Variants in GRIP1 observed in about 807,000 individuals in gnomAD.
GRIP1 encodes the protein glutamate receptor-interacting protein 1.
GRIP1 carries 45 observed loss-of-function variants against 129.9 expected under a neutral mutation model. The ratio of observed to expected loss-of-function variants is 0.35; its 90% CI spans 0.27 to 0.44. The LOEUF is 0.44. GRIP1 is among the 20% of genes least tolerant of loss of function. GRIP1 has a pLI of 1.00. For missense variants in GRIP1, 1,196 were observed against 1,396.8 expected (o/e 0.86, Z 2.29); for synonymous variants, 530 against 520.8 (o/e 1.02, Z -0.24).
At chr12:66,551,418 A>G (rs982010186) in intron 2 of GRIP1, among the ~76,000 whole-genome samples, 2 of 152,212 alleles carry the variant, frequency 1.3e-5, no homozygotes, top group African/African-American at 4.8e-5. Flanking sequence ...TCTTCTTTAG[A>G]TGAAAGTAGA....
intron 1 of GRIP1, among the ~76,000 whole-genome samples, chr12:66,962,293 G>A (rs902778086): frequency 5.3e-5 from 8 of 152,044 alleles, no homozygotes; most frequent in South Asian, 2.1e-4. Flanking sequence ...ATATATTATC[G>A]TAAACAATTT....
intron 1 of GRIP1, among the ~76,000 whole-genome samples, chr12:66,616,338 T>C (rs190070275): frequency 6.6e-6 from 1 of 152,254 alleles, no homozygotes; most frequent in East Asian, 1.9e-4. Flanking sequence ...AATTAACATG[T>C]TAACCCCAAA....
At chr12:66,536,869 A>C (rs760238002) in intron 4 of GRIP1, among the ~76,000 whole-genome samples, 13 of 152,176 alleles carry the variant, frequency 8.5e-5, no homozygotes, top group Non-Finnish European at 1.6e-4. Flanking sequence ...CCAACTCTTC[A>C]TAATCAACCT....
intron 1 of GRIP1, among the ~76,000 whole-genome samples, chr12:66,698,220 G>A (rs1241339951): frequency 1.3e-5 from 2 of 152,150 alleles, no homozygotes; most frequent in Admixed American, 6.6e-5. Flanking sequence ...ACTTGAACAT[G>A]CACTGAAAAG....
At chr12:66,505,132 G>A (rs1307916534) in intron 7 of GRIP1, among the ~76,000 whole-genome samples, 3 of 152,162 alleles carry the variant, frequency 2.0e-5, no homozygotes, top group Admixed American at 6.5e-5. Flanking sequence ...CCTTAAAAGG[G>A]GAGATTATGT....
At chr12:66,878,644 A>G (rs2040422508) in intron 1 of GRIP1, among the ~76,000 whole-genome samples, 1 of 152,134 alleles carries the variant, frequency 6.6e-6, no homozygotes, top group Non-Finnish European at 1.5e-5. Flanking sequence ...CCTACTATGT[A>G]TCAGACTCCG....
chr12:66,511,154 G>T lies in GRIP1; in HGVS notation c.724+4465C>A, dbSNP rs567294433. On this transcript the variant is annotated intron_variant, in intron 7 of 24. Coordinates refer to ENST00000359742, the MANE Select transcript of GRIP1 (RefSeq NM_001366722.1). Reference sequence around the variant, plus strand: ...TCGTGATAGTGAATAAGTCTCATGAGATCTGATGGTTTTATAAAGGAGAGT... The same window carrying T: ...TCGTGATAGTGAATAAGTCTCATGATATCTGATGGTTTTATAAAGGAGAGT... Among the ~76,000 whole-genome samples, 6 of 152,218 alleles carry T rather than the reference G, an allele frequency of 3.9e-5. No individual in the cohort carries two copies. The South Asian group carries it at 1.2e-3, about 32-fold the overall frequency.
intron 1 of GRIP1, among the ~76,000 whole-genome samples, chr12:66,731,325 GAT>G (rs2036429992): frequency 6.6e-6 from 1 of 152,204 alleles, no homozygotes; most frequent in African/African-American, 2.4e-5. Context: ...GCTGAGAAGA[GAT>G]ATTAAATTGT....
intron 1 of GRIP1, among the ~76,000 whole-genome samples, chr12:66,624,835 A>C (rs1335418244): frequency 6.6e-6 from 1 of 152,184 alleles, no homozygotes; most frequent in East Asian, 1.9e-4. Context: ...TTTCCAATTT[A>C]ACTTGTTCCA....
intron 1 of GRIP1, among the ~76,000 whole-genome samples, chr12:66,872,154 G>A (rs1180942261): frequency 6.6e-6 from 1 of 152,160 alleles, no homozygotes; most frequent in East Asian, 1.9e-4. Flanking sequence ...GCACCTGCAG[G>A]AGGTTTTGCC....
At chr12:66,726,741 A>C (rs2036266748) in intron 1 of GRIP1, among the ~76,000 whole-genome samples, 1 of 152,210 alleles carries the variant, frequency 6.6e-6, no homozygotes. Context: ...GGGTATTTTT[A>C]GCACAGTTCT....
chr12:66,632,188 G>GACATTAT (rs1474012846), intron 1 of GRIP1, among the ~76,000 whole-genome samples: 1 of 152,172 alleles, frequency 6.6e-6, no homozygotes, highest in Non-Finnish European at 1.5e-5. Flanking sequence ...AGTATAATGA[G>GACATTAT]ACTGGTGGAA....
intron 1 of GRIP1, among the ~76,000 whole-genome samples, chr12:66,874,102 T>G (rs1317111759): frequency 6.6e-6 from 1 of 152,144 alleles, no homozygotes; most frequent in Admixed American, 6.6e-5. Context: ...TCAGTTATTC[T>G]TTTGGCAAAT....
chr12:66,560,816 T>C (rs2062500176), intron 2 of GRIP1, among the ~76,000 whole-genome samples: 1 of 152,072 alleles, frequency 6.6e-6, no homozygotes, highest in Non-Finnish European at 1.5e-5. Context: ...CCTAGCAGCA[T>C]ATACCCATAT....
rs1009101969 is a variant in GRIP1, at chr12:66,546,891, GA to G, written c.137-4942del. 2.6e-3 allele frequency among the ~76,000 whole-genome samples: 385 copies of G among 150,390 alleles called. 2 individuals are homozygous for G. Among genetic ancestry groups the G allele is most frequent in the African/African-American group, 9.0e-3 (368 of 41,086 alleles). On this transcript the variant is annotated intron_variant, in intron 2 of 24. Transcript: ENST00000359742. The stretch of plus-strand genomic sequence containing the variant: ...TTGACATAAGCATGATCCATAAAAG[GA>G]AAAAAAAATCAGCAAATTGGACTTC...
At chr12:66,905,735 TTAAAGTGACAGAC>T (rs1731118564) in intron 1 of GRIP1, among the ~76,000 whole-genome samples, 1 of 152,218 alleles carries the variant, frequency 6.6e-6, no homozygotes, top group Admixed American at 6.5e-5. Context: ...TATAGTCATT[TTAAAGTGACAGAC>T]TAAGTTTAGA....
chr12:66,791,212 G>A (rs759961327), intron 1 of GRIP1, among the ~76,000 whole-genome samples: 1 of 152,176 alleles, frequency 6.6e-6, no homozygotes, highest in Non-Finnish European at 1.5e-5. Flanking sequence ...CTGCATAGTG[G>A]AAGTTTTTGT....
chr12:66,363,166 C>T (rs12369555), intron 23 of GRIP1, among the ~76,000 whole-genome samples: 2 of 84,398 alleles, frequency 2.4e-5, no homozygotes, highest in African/African-American at 5.1e-5. Context: ...CATATATATA[C>T]ACACACATAT....
rs1396458352 is a variant in GRIP1, at chr12:66,456,206, T to A, written c.1179A>T (p.Ala393=). 18 of 1,289,144 alleles carry A rather than the reference T, an allele frequency of 1.4e-5. No homozygotes were observed. Among genetic ancestry groups the A allele is most frequent in the Non-Finnish European group, 1.8e-5 (18 of 988,406 alleles). 79.9% of individuals were successfully genotyped at this position (1,289,144 alleles called of 1,614,324 possible). Residue 393 remains alanine, a synonymous_variant, in exon 10 of 25, where the codon GCA becomes GCT. Coordinates refer to ENST00000359742, the MANE Select transcript of GRIP1 (RefSeq NM_001366722.1). Reference sequence around the variant, plus strand: ...CATTACGAGGGCTGTTTGGAGGAGGTGCTTTCGGGAATGTCAGGGCTGGTA... The same window carrying A: ...CATTACGAGGGCTGTTTGGAGGAGGAGCTTTCGGGAATGTCAGGGCTGGTA... ...CRVPALTFPK[A]PPPNSPPALV...
Sources: allele counts gnomAD v4.1 joint callset (sites outside exome capture counted in the v4.1 genomes callset), GRCh38; gene constraint gnomAD v4.1.1; transcripts MANE v1.5; gene names NCBI Gene and HGNC (gene_info 2026-07-23, HGNC 2026-07-21).